VAV2: variants seen among roughly 807,000 people sequenced by gnomAD.
VAV2 encodes guanine nucleotide exchange factor VAV2.
A neutral mutation model predicts 132.5 loss-of-function variants in VAV2; 67 were observed. That is an observed-to-expected ratio of 0.51 (90% CI 0.42 to 0.62). The LOEUF (loss-of-function observed/expected upper bound fraction) is 0.62. Among genes scored for constraint, VAV2 ranks in the 20% least tolerant of loss-of-function variants. The pLI is 0.00. For synonymous variants in VAV2, 492 were observed against 443.5 expected (o/e 1.11, Z -1.37); for missense variants, 938 against 1,153.6 (o/e 0.81, Z 2.71).
intron 12 of VAV2, among the ~76,000 whole-genome samples, chr9:133,793,124 C>T (rs963594434): frequency 6.6e-6 from 1 of 152,132 alleles, no homozygotes; most frequent in Non-Finnish European, 1.5e-5. Context: ...GTCTGGCCAC[C>T]CCCACTCCGG....
intron 16 of VAV2, among the ~76,000 whole-genome samples, chr9:133,786,649 TG>T (rs1398804718): frequency 6.6e-6 from 1 of 152,226 alleles, no homozygotes; most frequent in Non-Finnish European, 1.5e-5. Flanking sequence ...GCCATGGGCC[TG>T]GGGCACCCCC....
intron 2 of VAV2, among the ~76,000 whole-genome samples, chr9:133,877,939 C>T (rs1289364396): frequency 2.0e-5 from 3 of 152,164 alleles, no homozygotes; most frequent in Non-Finnish European, 1.5e-5. Context: ...ATCTCCTCTG[C>T]GACGTCAACT....
In VAV2 at chr9:133,834,283, C is replaced by T; in HGVS notation, c.438G>A (p.Glu146=). 1.2e-6 allele frequency: 2 copies of T among 1,611,846 alleles called. No homozygotes were observed. Among genetic ancestry groups the T allele is most frequent in the Non-Finnish European group, 8.5e-7 (1 of 1,179,090 alleles). The change falls in exon 4 of 30, where the codon GAG becomes GAA. Residue 146 remains glutamate (E), a synonymous_variant. Coordinates refer to ENST00000371850, the MANE Select transcript of VAV2 (RefSeq NM_001134398.2). This position sits in a 1 kb window ranked among gnomAD's most constrained non-coding sequence, Gnocchi z 5.9. ...ENDDDVYRSL[E]ELADEHDLGE... is the part of the protein sequence containing the mutation. Reference sequence around the variant, plus strand: ...TCCCCCCGCCTTACTCGGCCAGCTCCTCCAGGCTGCGGTAGACGTCATCGT... The same window carrying T: ...TCCCCCCGCCTTACTCGGCCAGCTCTTCCAGGCTGCGGTAGACGTCATCGT...
At position 133,884,717 on chromosome 9, in the gene VAV2, A is replaced by C. The variant is rs573071239; in HGVS notation, c.322-23285T>G. Among the ~76,000 whole-genome samples the C allele has an allele frequency of 2.6e-5, 4 of 152,250 alleles. No individual in the cohort carries two copies. The highest frequency in any genetic ancestry group is 9.6e-5 in the African/African-American group (4 of 41,474). On this transcript the variant is annotated intron_variant, in intron 2 of 29. Transcript: ENST00000371850. This position sits in a 1 kb window ranked among gnomAD's most constrained non-coding sequence, Gnocchi z 5.3. ...TGGCTTTAAAAATGTTTTAACTCCA[A>C]AGATTTTTAATTAGCTTTATTCACT...
chr9:133,990,621 T>C (rs957016928), intron 1 of VAV2, among the ~76,000 whole-genome samples: 8 of 152,172 alleles, frequency 5.3e-5, no homozygotes, highest in African/African-American at 1.7e-4. Flanking sequence ...GGAACTCATA[T>C]CAAAGGCAGC....
chr9:133,892,100 T>G (rs1288618164), intron 2 of VAV2, among the ~76,000 whole-genome samples: 1 of 86,554 alleles, frequency 1.2e-5, no homozygotes, highest in Non-Finnish European at 2.3e-5. Flanking sequence ...AGGAGAGGGA[T>G]GGGGGCATTG....
At chr9:133,801,564 T>C (rs975929449) in intron 9 of VAV2, among the ~76,000 whole-genome samples, 2 of 152,156 alleles carry the variant, frequency 1.3e-5, no homozygotes, top group African/African-American at 4.8e-5. Context: ...TGCCAGCACC[T>C]GCACACCCCT....
intron 3 of VAV2, among the ~76,000 whole-genome samples, chr9:133,859,762 A>T (rs2131862934): frequency 6.6e-6 from 1 of 152,338 alleles, no homozygotes; most frequent in Non-Finnish European, 1.5e-5. Context: ...AAAAACACAT[A>T]GTCTTTGTAT....
intron 8 of VAV2, among the ~76,000 whole-genome samples, chr9:133,806,707 G>T (rs1367426343): frequency 6.6e-6 from 1 of 152,216 alleles, no homozygotes; most frequent in Non-Finnish European, 1.5e-5. Flanking sequence ...TAATGAGACG[G>T]CCAGGGAGGC....
intron 4 of VAV2, among the ~76,000 whole-genome samples, chr9:133,819,444 G>A (rs1463817244): frequency 7.1e-6 from 1 of 140,670 alleles, no homozygotes; most frequent in Non-Finnish European, 1.5e-5. Flanking sequence ...GCGAGGCTCC[G>A]TCTCAAAAAA....
rs759176684 is a variant in VAV2, at chr9:133,863,519, A to G, written c.322-2087T>C. Among the ~76,000 whole-genome samples, 11 of 152,214 alleles carry G rather than the reference A, an allele frequency of 7.2e-5. No individual in the cohort carries two copies. Among genetic ancestry groups the G allele is most frequent in the Non-Finnish European group, 1.5e-4 (10 of 68,036 alleles). ...GAACATGGTTCTCCTGCGTCCATGCATCTGTGGCCCCTGTGGACAATTTCT... is the reference window on the plus strand; with the variant it reads ...GAACATGGTTCTCCTGCGTCCATGCGTCTGTGGCCCCTGTGGACAATTTCT... On this transcript the variant is annotated intron_variant, in intron 2 of 29. Transcript: ENST00000371850. The surrounding 1 kb of genome is among the most constrained non-coding windows in gnomAD (Gnocchi z 5.0).
At chr9:133,956,658 C>A (rs1022186644) in intron 1 of VAV2, among the ~76,000 whole-genome samples, 3 of 152,200 alleles carry the variant, frequency 2.0e-5, no homozygotes, top group Admixed American at 6.5e-5. Flanking sequence ...AAATTCCAGG[C>A]GAACCAGCAC....
At chr9:133,844,213 TAAGGC>T (rs888866974) in intron 3 of VAV2, among the ~76,000 whole-genome samples, 1 of 152,176 alleles carries the variant, frequency 6.6e-6, no homozygotes, top group African/African-American at 2.4e-5. Flanking sequence ...TCAGCAGCTG[TAAGGC>T]ATAATATATA....
chr9:133,973,640 A>G (rs2519823), intron 1 of VAV2, among the ~76,000 whole-genome samples: 151,888 of 152,220 alleles, frequency 1, 75,778 homozygotes, highest in East Asian at 1. Flanking sequence ...ATAACACGAC[A>G]CTCTCCCTCC....
rs1396813602 is a variant in VAV2, at chr9:133,884,209, T to C, written c.322-22777A>G. Among the ~76,000 whole-genome samples, 1 of 151,190 alleles carries C rather than the reference T, an allele frequency of 6.6e-6. No individual in the cohort carries two copies. The highest frequency in any genetic ancestry group is 1.9e-4 in the East Asian group (1 of 5,176). On this transcript the variant is annotated intron_variant, in intron 2 of 29. Transcript: ENST00000371850. The surrounding 1 kb of genome is among the most constrained non-coding windows in gnomAD (Gnocchi z 5.3). ...GCAAAGAGAGGGAATCCAAAATAAA[T>C]GGTAACCAACCCCCACGTGCACACG...
chr9:133,805,427 C>T (rs553139164), intron 9 of VAV2, among the ~76,000 whole-genome samples: 16 of 152,274 alleles, frequency 1.1e-4, no homozygotes, highest in Admixed American at 9.8e-4. Flanking sequence ...GGGGCTCTCT[C>T]GAGACTTCCG....
At chr9:133,827,811 G>A (rs370003155) in intron 4 of VAV2, among the ~76,000 whole-genome samples, 71 of 888 alleles carry the variant, frequency 0.08, 8 homozygotes, top group African/African-American at 0.14. Context: ...GCGCCCACTG[G>A]GGCTGACCAC....
At position 133,854,472 on chromosome 9, in the gene VAV2, G is replaced by C. The variant is rs777811124; in HGVS notation, c.380+6902C>G. Among the ~76,000 whole-genome samples, 57 of 152,390 alleles carry C rather than the reference G, an allele frequency of 3.7e-4. No individual in the cohort carries two copies. In the Middle Eastern group the frequency reaches 0.014, roughly 36 times the overall value. Reference sequence around the variant, plus strand: ...ATGAGGCAGTGACCATGCCAGGCCAGAGAACTGGGGCTGCCCACTGCTACT... The same window carrying C: ...ATGAGGCAGTGACCATGCCAGGCCACAGAACTGGGGCTGCCCACTGCTACT... On this transcript the variant is annotated intron_variant, in intron 3 of 29. Coordinates refer to ENST00000371850, the MANE Select transcript of VAV2 (RefSeq NM_001134398.2).
In VAV2 at chr9:133,919,489, G is replaced by A. The variant is rs923478749; in HGVS notation, c.321+19614C>T. Among the ~76,000 whole-genome samples, 4 of 152,178 alleles carry A rather than the reference G, an allele frequency of 2.6e-5. No individual in the cohort carries two copies. Among genetic ancestry groups the A allele is most frequent in the Non-Finnish European group, 4.4e-5 (3 of 68,040 alleles). ...CAGGTGTCCCGGCTCCCAGCCCAGG[G>A]ACTCACTGTCCCCCGGGGCCAGGTC... On this transcript the variant is annotated intron_variant, in intron 2 of 29. Transcript: ENST00000371850. The surrounding 1 kb of genome is among the most constrained non-coding windows in gnomAD (Gnocchi z 5.8).
Sources: gnomAD v4.1 joint callset for allele counts (sites outside exome capture counted in the v4.1 genomes callset) on GRCh38, gnomAD v4.1.1 for gene constraint, Gnocchi (gnomAD v3.1) non-coding constraint, MANE v1.5 for transcripts, NCBI Gene and HGNC (gene_info 2026-07-23, HGNC 2026-07-21) for gene names.